SNTG2: variants seen among roughly 807,000 people sequenced by gnomAD.
The protein encoded by SNTG2 is gamma-2-syntrophin.
A neutral mutation model predicts 70.9 loss-of-function variants in SNTG2; 74 were observed. The observed-to-expected ratio is 1.04, with a 90% CI of 0.86 to 1.27. SNTG2 has a LOEUF of 1.27. Among genes scored for constraint, SNTG2 ranks in the 50% most tolerant of loss-of-function variants. The probability of loss-of-function intolerance (pLI) is 0.00; values close to 1 mark genes in which losing one functional copy is unlikely to be tolerated. For synonymous variants in SNTG2, 278 were observed against 273.8 expected (o/e 1.02, Z -0.15); for missense variants, 717 against 690.7 (o/e 1.04, Z -0.43).
chr2:1,092,343 G>C (rs924267578), intron 2 of SNTG2, among the ~76,000 whole-genome samples: 3 of 152,134 alleles, frequency 2.0e-5, no homozygotes, highest in Non-Finnish European at 4.4e-5. Flanking sequence ...TGTGTGAGGA[G>C]TAAGACCTCC....
chr2:1,180,704 C>T (rs1218634429), intron 8 of SNTG2, among the ~76,000 whole-genome samples: 1 of 151,052 alleles, frequency 6.6e-6, no homozygotes, highest in Non-Finnish European at 1.5e-5. Context: ...TTGACCCAGC[C>T]ATCCCATTAC....
intron 1 of SNTG2, among the ~76,000 whole-genome samples, chr2:1,044,297 C>A (rs1382486725): frequency 6.6e-6 from 1 of 151,918 alleles, no homozygotes; most frequent in East Asian, 1.9e-4. Context: ...GATCTAGGAG[C>A]CTTTGGGCAG....
At chr2:1,163,295 T>C (rs145252731) in intron 6 of SNTG2, 7,578 of 137,866 alleles carry the variant, frequency 0.055, 274 homozygotes, top group Non-Finnish European at 0.065. Context: ...AGGAGGTGGG[T>C]GTGTGAGGCC....
chr2:984,162 C>G (rs1028148220), intron 1 of SNTG2, among the ~76,000 whole-genome samples: 1 of 152,130 alleles, frequency 6.6e-6, no homozygotes, highest in African/African-American at 2.4e-5. Flanking sequence ...ACACTTTACC[C>G]TGGGGTTCTT....
At chr2:1,280,116 C>A (rs1474389204) in intron 14 of SNTG2, among the ~76,000 whole-genome samples, 1 of 151,898 alleles carries the variant, frequency 6.6e-6, no homozygotes, top group South Asian at 2.1e-4. Context: ...ATTTAAAAAA[C>A]CACTATTGTT....
intron 14 of SNTG2, among the ~76,000 whole-genome samples, chr2:1,281,332 T>TGG: frequency 3.2e-5 from 1 of 31,696 alleles, no homozygotes; most frequent in African/African-American, 1.5e-4. Flanking sequence ...GTGGTGTGTG[T>TGG]GTGTGGTGGT....
rs545316318 is a variant in SNTG2, at chr2:1,063,938, C to G, written c.73-19580C>G. Among the ~76,000 whole-genome samples the G allele has an allele frequency of 5.9e-5, 9 of 152,294 alleles. No homozygotes were observed. The East Asian group carries it at 1.2e-3, about 20-fold the overall frequency. On this transcript the variant is annotated intron_variant, in intron 1 of 16. Coordinates refer to ENST00000308624, the MANE Select transcript of SNTG2 (RefSeq NM_018968.4). ...ATCAGTACATGTCCTGAAAAGTTCACTGGACCCCAAATAGCATAAAATTAA... is the reference window on the plus strand; with the variant it reads ...ATCAGTACATGTCCTGAAAAGTTCAGTGGACCCCAAATAGCATAAAATTAA...
Position 1,341,846 on chromosome 2 carries a change from C to CTT in SNTG2, c.1489-25481_1489-25480dup, listed in dbSNP as rs368695045. On this transcript the variant is annotated intron_variant, in intron 16 of 16. Transcript: ENST00000308624. ...TCTTTTTGTTTCCTAATTTTTATCGCTTTTTTTTTTTTTTTTTGAGATAGG... is the reference window on the plus strand; with the variant it reads ...TCTTTTTGTTTCCTAATTTTTATCGCTTTTTTTTTTTTTTTTTTTGAGATAGG... The CTT allele has an allele frequency of 1.4e-3, 186 of 137,280 alleles. 4 individuals are homozygous for CTT. Among genetic ancestry groups the CTT allele is most frequent in the East Asian group, 4.2e-3 (19 of 4,532 alleles). 8.5% of individuals were successfully genotyped at this position (137,280 alleles called of 1,614,324 possible).
chr2:1,078,378 G>A (rs989136984), intron 1 of SNTG2, among the ~76,000 whole-genome samples: 5 of 152,214 alleles, frequency 3.3e-5, no homozygotes, highest in Non-Finnish European at 7.3e-5. Flanking sequence ...GTCAGTTAGG[G>A]AAGCTGCCGA....
intron 9 of SNTG2, among the ~76,000 whole-genome samples, chr2:1,224,821 C>T (rs1675660828): frequency 1.3e-5 from 2 of 152,198 alleles, no homozygotes; most frequent in African/African-American, 2.4e-5. Context: ...TCAGACGCAG[C>T]GTTTCCATCC....
intron 16 of SNTG2, among the ~76,000 whole-genome samples, chr2:1,324,667 C>T (rs972919092): frequency 2.0e-5 from 3 of 152,070 alleles, no homozygotes; most frequent in Non-Finnish European, 4.4e-5. Flanking sequence ...CTCTCCAGTC[C>T]CCCAGTTTTA....
Position 1,353,929 on chromosome 2 carries a change from C to T in SNTG2, c.1489-13414C>T, listed in dbSNP as rs572063434. On this transcript the variant is annotated intron_variant, in intron 16 of 16. Transcript: ENST00000308624. The surrounding 1 kb of genome is among the most constrained non-coding windows in gnomAD (Gnocchi z 4.2). Reference sequence around the variant, plus strand: ...TGGTGATAGATGGGGCATGCCTGCGCGTAAAGAGTGGGAAAGAAAAAACGT... The same window carrying T: ...TGGTGATAGATGGGGCATGCCTGCGTGTAAAGAGTGGGAAAGAAAAAACGT... The T allele has an allele frequency of 1.3e-5, 2 of 152,222 alleles. No homozygotes were observed. The highest frequency in any genetic ancestry group is 1.9e-4 in the East Asian group (1 of 5,182). The allele number at this position is 152,222 out of a possible 1,614,324, so 9.4% of individuals were successfully genotyped here.
chr2:1,296,522 T>C (rs1176865879), intron 14 of SNTG2, among the ~76,000 whole-genome samples: 1 of 152,202 alleles, frequency 6.6e-6, no homozygotes, highest in Admixed American at 6.5e-5. Flanking sequence ...TTAGTAAAAC[T>C]GAAAAATACA....
At chr2:1,019,542 C>T (rs561158084) in intron 1 of SNTG2, among the ~76,000 whole-genome samples, 1 of 151,906 alleles carries the variant, frequency 6.6e-6, no homozygotes, top group East Asian at 1.9e-4. Flanking sequence ...CAAAGTGGCT[C>T]CAAGCTTTGG....
At chr2:1,304,728 CAAA>C (rs58886426) in intron 14 of SNTG2, among the ~76,000 whole-genome samples, 29 of 140,732 alleles carry the variant, frequency 2.1e-4, no homozygotes, top group South Asian at 4.6e-4. Flanking sequence ...CTCTCTCTCT[CAAA>C]AAAAAAAAAA....
chr2:1,162,416 A>T (rs1335842533), intron 6 of SNTG2, among the ~76,000 whole-genome samples: 2 of 152,150 alleles, frequency 1.3e-5, no homozygotes, highest in African/African-American at 4.8e-5. Context: ...CTGTTTAAGG[A>T]TGGGGCACGG....
At chr2:1,023,869 T>C (rs1368778098) in intron 1 of SNTG2, among the ~76,000 whole-genome samples, 1 of 152,188 alleles carries the variant, frequency 6.6e-6, no homozygotes, top group Non-Finnish European at 1.5e-5. Flanking sequence ...TCCTTGTCCT[T>C]GACTGGGACT....
chr2:1,255,873 A>AATATATATAAATATAT (rs1678051812), intron 12 of SNTG2, among the ~76,000 whole-genome samples: 2 of 26,220 alleles, frequency 7.6e-5, no homozygotes, highest in East Asian at 3.4e-3. Flanking sequence ...AATATATATA[A>AATATATATAAATATAT]ATATATATAT....
At chr2:1,286,273 C>G (rs545294088) in intron 14 of SNTG2, among the ~76,000 whole-genome samples, 1 of 152,274 alleles carries the variant, frequency 6.6e-6, no homozygotes, top group South Asian at 2.1e-4. Context: ...GATTCTTGGA[C>G]CCGTGAATCC....
Sources: allele counts gnomAD v4.1 joint callset (sites outside exome capture counted in the v4.1 genomes callset), GRCh38; gene constraint gnomAD v4.1.1; non-coding constraint Gnocchi (gnomAD v3.1); transcripts MANE v1.5; gene names NCBI Gene and HGNC (gene_info 2026-07-23, HGNC 2026-07-21).